Variants in PLEKHG7 observed in about 807,000 individuals in gnomAD.
PLEKHG7 encodes pleckstrin homology and RhoGEF domain containing G7, also known as pleckstrin homology domain-containing family G member 7.
PLEKHG7 carries 77 observed loss-of-function variants against 85.2 expected under a neutral mutation model. The observed-to-expected ratio is 0.90, with a 90% CI of 0.75 to 1.09. PLEKHG7 has a LOEUF of 1.09. PLEKHG7 is among the 50% of genes least tolerant of loss of function. The pLI, the probability that PLEKHG7 is intolerant of heterozygous loss-of-function variation, is 0.00. For synonymous variants in PLEKHG7, 301 were observed against 302.4 expected (o/e 1.00, Z 0.05); for missense variants, 777 against 804.3 (o/e 0.97, Z 0.41).
intron 3 of PLEKHG7, among the ~76,000 whole-genome samples, chr12:92,718,464 A>G (rs1482684256): frequency 1.3e-5 from 2 of 152,236 alleles, no homozygotes; most frequent in East Asian, 3.8e-4. Context: ...TTATTGCCTT[A>G]TCCCCGGTAC....
chr12:92,735,987 G>A (rs1386529718), intron 5 of PLEKHG7, among the ~76,000 whole-genome samples: 3 of 152,098 alleles, frequency 2.0e-5, no homozygotes, highest in Non-Finnish European at 4.4e-5. Context: ...AGAGTTTCCA[G>A]CATATTCTGG....
intron 3 of PLEKHG7, among the ~76,000 whole-genome samples, chr12:92,722,141 G>A (rs1871667470): frequency 6.6e-6 from 1 of 151,702 alleles, no homozygotes; most frequent in Non-Finnish European, 1.5e-5. Context: ...CCCACCGTGA[G>A]ACCTAAATTC....
At position 92,770,526 on chromosome 12, in the gene PLEKHG7, A is replaced by T. The variant is rs71456576; in HGVS notation, c.*331A>T. 3 of 230,972 alleles carry T rather than the reference A, an allele frequency of 1.3e-5. No homozygotes were observed. The Admixed American group carries it at 1.8e-4, about 14-fold the overall frequency. 14.3% of individuals were successfully genotyped at this position (230,972 alleles called of 1,614,324 possible). On this transcript the variant is annotated 3_prime_UTR_variant, in exon 17 of 17. Transcript: ENST00000344636. ...AGATAAATGGAGTATCAGAAGGAAA[A>T]CAATGTCCACTGCTTATGTCCAATA...
chr12:92,728,640 A>G (rs1408433958), intron 3 of PLEKHG7, among the ~76,000 whole-genome samples: 1 of 151,588 alleles, frequency 6.6e-6, no homozygotes, highest in Non-Finnish European at 1.5e-5. Flanking sequence ...TCTTTATCTA[A>G]TCAACCATTG....
At chr12:92,713,942 T>C (rs1871415038) in intron 3 of PLEKHG7, among the ~76,000 whole-genome samples, 1 of 152,178 alleles carries the variant, frequency 6.6e-6, no homozygotes, top group Admixed American at 6.5e-5. Context: ...CTGATCCAAC[T>C]CTATGTTCCT....
At chr12:92,746,588 CT>C (rs1464950047) in intron 10 of PLEKHG7, among the ~76,000 whole-genome samples, 1 of 152,200 alleles carries the variant, frequency 6.6e-6, no homozygotes, top group Non-Finnish European at 1.5e-5. Context: ...CCCCTAGAAG[CT>C]GATGGATTAC....
At chr12:92,703,693 C>T (rs987592216) in intron 1 of PLEKHG7, among the ~76,000 whole-genome samples, 22 of 152,362 alleles carry the variant, frequency 1.4e-4, no homozygotes, top group East Asian at 7.7e-4. Context: ...CTGCAAACCA[C>T]CTCCCTAAGC....
intron 5 of PLEKHG7, among the ~76,000 whole-genome samples, chr12:92,733,690 G>A (rs779936145): frequency 3.3e-5 from 5 of 152,130 alleles, no homozygotes; most frequent in African/African-American, 7.2e-5. Flanking sequence ...TAGCCCTCCC[G>A]AGGGCTTATC....
chr12:92,737,721 G>A, intron 7 of PLEKHG7, among the ~76,000 whole-genome samples, 200 bp downstream of exon 7: 1 of 120,716 alleles, frequency 8.3e-6, no homozygotes, highest in African/African-American at 3.1e-5. Flanking sequence ...AAGAGGGAGG[G>A]AAGGAAGGAG....
intron 10 of PLEKHG7, among the ~76,000 whole-genome samples, chr12:92,750,247 AG>A (rs968677589): frequency 1.4e-4 from 21 of 152,096 alleles, no homozygotes; most frequent in Admixed American, 5.2e-4. Flanking sequence ...ATCAATAAAA[AG>A]GCCTTTTATG....
At position 92,737,444 on chromosome 12, in the gene PLEKHG7, A is replaced by ATT; in HGVS notation, c.862_863insTT (p.Lys288IlefsTer23). The ATT allele has an allele frequency of 1.3e-6, 2 of 1,583,584 alleles. No homozygotes were observed. The highest frequency in any genetic ancestry group is 1.7e-6 in the Non-Finnish European group (2 of 1,171,806). ...CCCGACCGATCAATTAGACCTGAAA[A>ATT]AGCAGCAAGAGGCCGTGTGGGAACT... is the stretch of plus-strand genomic sequence containing the variant. On this transcript the variant is annotated frameshift_variant, in exon 7 of 17. Coordinates refer to ENST00000344636, the MANE Select transcript of PLEKHG7 (RefSeq NM_001377329.1). LOFTEE classifies it high-confidence loss of function.
At chr12:92,729,657 G>GTGTT (rs892951782) in intron 4 of PLEKHG7, among the ~76,000 whole-genome samples, 1 of 152,132 alleles carries the variant, frequency 6.6e-6, no homozygotes, top group Non-Finnish European at 1.5e-5. Flanking sequence ...GGTCTTCAGA[G>GTGTT]TGTTTTCTTC....
At chr12:92,704,278 A>G (rs1871170042) in intron 1 of PLEKHG7, among the ~76,000 whole-genome samples, 1 of 151,958 alleles carries the variant, frequency 6.6e-6, no homozygotes, top group African/African-American at 2.4e-5. Flanking sequence ...AAAAAAAAAA[A>G]GAAAGAAAGT....
chr12:92,709,675 T>C (rs937047546), intron 3 of PLEKHG7, among the ~76,000 whole-genome samples: 1 of 152,150 alleles, frequency 6.6e-6, no homozygotes, highest in Non-Finnish European at 1.5e-5. Flanking sequence ...AAAAAAATGA[T>C]GTGAAGGTAA....
At chr12:92,705,100 GC>G (rs1871195819) in intron 1 of PLEKHG7, among the ~76,000 whole-genome samples, 1 of 152,214 alleles carries the variant, frequency 6.6e-6, no homozygotes, top group Non-Finnish European at 1.5e-5. Flanking sequence ...GAGAGTGGTT[GC>G]CATAGGCAAG....
intron 10 of PLEKHG7, among the ~76,000 whole-genome samples, chr12:92,753,019 C>G (rs1433589554): frequency 6.6e-6 from 1 of 152,154 alleles, no homozygotes; most frequent in Non-Finnish European, 1.5e-5. Flanking sequence ...CCCAACAGCC[C>G]CACTTCCTAA....
At chr12:92,746,146 A>C (rs1182631609) in intron 10 of PLEKHG7, among the ~76,000 whole-genome samples, 1 of 152,194 alleles carries the variant, frequency 6.6e-6, no homozygotes, top group Non-Finnish European at 1.5e-5. Context: ...CCAAGCCTAA[A>C]ACCTATCTCC....
intron 4 of PLEKHG7, among the ~76,000 whole-genome samples, chr12:92,730,980 G>A (rs1382865685): frequency 1.3e-5 from 2 of 152,180 alleles, no homozygotes; most frequent in Non-Finnish European, 2.9e-5. Flanking sequence ...ACGCTTTGCT[G>A]TGCATATGAG....
intron 3 of PLEKHG7, among the ~76,000 whole-genome samples, chr12:92,718,433 T>C (rs79112852): frequency 0.018 from 2,724 of 152,326 alleles, 96 homozygotes; most frequent in African/African-American, 0.062. Context: ...TCCAGGAAAG[T>C]GGGATTTTCA....
Sources: gnomAD v4.1 joint callset for allele counts (sites outside exome capture counted in the v4.1 genomes callset) on GRCh38, gnomAD v4.1.1 for gene constraint, MANE v1.5 for transcripts, NCBI Gene and HGNC (gene_info 2026-07-23, HGNC 2026-07-21) for gene names.